The following ABCC2 variants were observed in gnomAD, a reference collection of about 807,000 sequenced individuals.
The protein encoded by ABCC2 is ATP binding cassette subfamily C member 2, also known as ATP-binding cassette sub-family C member 2.
Under a neutral mutation model 173.4 loss-of-function variants are expected in ABCC2, and 157 were observed. The ratio of observed to expected loss-of-function variants is 0.91; its 90% CI spans 0.80 to 1.03. The LOEUF (loss-of-function observed/expected upper bound fraction) is 1.03, where lower values mean the gene tolerates loss of function less well. Ranked by LOEUF, ABCC2 falls within the 50% of genes least tolerant of loss-of-function variation. The pLI is 0.00. For synonymous variants in ABCC2, 657 were observed against 693.5 expected, an observed-to-expected ratio of 0.95 and a Z score of 0.83; for missense variants, 1,822 against 1,852.3, an observed-to-expected ratio of 0.98 and a Z score of 0.30.
chr10:99,808,933 G>C (rs1040338774), intron 13 of ABCC2, among the ~76,000 whole-genome samples: 2 of 152,202 alleles, frequency 1.3e-5, no homozygotes, highest in Non-Finnish European at 2.9e-5. Context: ...GTAAAGAAAA[G>C]CTGGCAGATT....
chr10:99,791,738 A>G (rs2037814516), intron 2 of ABCC2, among the ~76,000 whole-genome samples: 1 of 152,236 alleles, frequency 6.6e-6, no homozygotes, highest in African/African-American at 2.4e-5. Context: ...GGAAGGTCTC[A>G]GTTCCTTACC....
intron 26 of ABCC2, 133 bp downstream of exon 26, chr10:99,842,226 C>T: frequency 7.7e-7 from 1 of 1,291,380 alleles, no homozygotes; most frequent in Non-Finnish European, 1.1e-6. Context: ...AGGTTCAAAC[C>T]CTGGCTCCAT....
intron 9 of ABCC2, among the ~76,000 whole-genome samples, chr10:99,801,092 C>A (rs998177552): frequency 6.6e-6 from 1 of 152,178 alleles, no homozygotes; most frequent in Non-Finnish European, 1.5e-5. Flanking sequence ...TAACCTAAAC[C>A]TCCTCTGTCT....
In ABCC2 at chr10:99,811,547, C is replaced by A. The variant is rs1282936966; in HGVS notation, c.1912C>A (p.Gln638Lys). 6.2e-7 allele frequency: 1 copy of A among 1,614,118 alleles called. No homozygotes were observed. The highest frequency in any genetic ancestry group is 1.1e-5 in the South Asian group (1 of 91,086). ...CTTTTTCTCAACAGACAAAGCCATG[C>A]AGTTTTCTGAGGCCTCCTTTACCTG... is the stretch of plus-strand genomic sequence containing the variant. Reference protein sequence around the residue: ...RHDCNFDKAMQFSEASFTWEH... With the variant: ...RHDCNFDKAMKFSEASFTWEH... The change falls in exon 15 of 32, where the codon CAG (glutamine) becomes AAG (lysine). Residue 638 changes from glutamine to lysine, a missense_variant. Coordinates refer to ENST00000647814, the MANE Select transcript of ABCC2 (RefSeq NM_000392.5).
chr10:99,851,029 G>A (rs776602926), intron 31 of ABCC2, among the ~76,000 whole-genome samples: 3 of 152,204 alleles, frequency 2.0e-5, no homozygotes, highest in African/African-American at 4.8e-5. Context: ...GAAACTGTGT[G>A]TTGTAACAAT....
chr10:99,814,489 A>G (rs138658402), intron 16 of ABCC2, among the ~76,000 whole-genome samples: 1 of 131,824 alleles, frequency 7.6e-6, no homozygotes. Flanking sequence ...ATACATACAC[A>G]CAAACATATA....
intron 22 of ABCC2, 71 bp from the exon 23 acceptor site, chr10:99,831,906 C>T (rs2038747156): frequency 6.2e-7 from 1 of 1,612,682 alleles, no homozygotes. Context: ...AATGCATTTG[C>T]CATTATGTCC....
intron 23 of ABCC2, among the ~76,000 whole-genome samples, chr10:99,833,231 G>T (rs1245943143): frequency 6.6e-6 from 1 of 152,178 alleles, no homozygotes; most frequent in Non-Finnish European, 1.5e-5. Flanking sequence ...TGGCCTTTCT[G>T]CTCTTTACTA....
rs775651190 is a variant in ABCC2 at position 99,832,128 on chromosome 10, C to T, written c.3255C>T (p.Ala1085=). The T allele has an allele frequency of 2.4e-5, 38 of 1,613,982 alleles. No individual in the cohort carries two copies. Among genetic ancestry groups the T allele is most frequent in the Admixed American group, 3.3e-5 (2 of 59,990 alleles). The stretch of plus-strand genomic sequence containing the variant: ...CAGGCCGGATTGTGAACAGGTTTGC[C>T]GGCGTAAGTATCTCAAGAACTGTCA... ...TPTGRIVNRF[A]GDISTVDDTL... Residue 1085 remains alanine (A), a synonymous_variant, in exon 23 of 32, where the codon GCC becomes GCT. Transcript: ENST00000647814.
chr10:99,811,565 T>C lies in ABCC2; in HGVS notation c.1930T>C (p.Phe644Leu). The change falls in exon 15 of 32, where the codon TTT becomes CTT. Residue 644 changes from phenylalanine (F) to leucine (L), a missense_variant. Phe to Leu is a conservative substitution (Grantham distance 22). Transcript: ENST00000647814. ...DKAMQFSEAS[F>L]TWEHDSEATV... ...AGCCATGCAGTTTTCTGAGGCCTCC[T>C]TTACCTGGGAACATGATTCGGAAGC... The C allele has an allele frequency of 6.2e-7, 1 of 1,614,106 alleles. No individual in the cohort carries two copies. Among genetic ancestry groups the C allele is most frequent in the South Asian group, 1.1e-5 (1 of 91,080 alleles).
intron 30 of ABCC2, 96 bp downstream of exon 30, chr10:99,847,223 T>A: frequency 7.1e-7 from 1 of 1,407,518 alleles, no homozygotes; most frequent in Non-Finnish European, 1.0e-6. Context: ...TGGCATAGAA[T>A]TTTCATCCAG....
intron 25 of ABCC2, among the ~76,000 whole-genome samples, chr10:99,839,247 C>A (rs1277828426): frequency 8.8e-6 from 1 of 113,846 alleles, no homozygotes; most frequent in Admixed American, 7.9e-5. Context: ...CCGACCCCCC[C>A]ACCTCCCTCC....
Position 99,819,323 on chromosome 10 carries a change from A to C in ABCC2, c.2620+54A>C. The C allele has an allele frequency of 3.3e-6, 5 of 1,527,898 alleles. No individual in the cohort carries two copies. The Admixed American group carries it at 5.0e-5, about 15-fold the overall frequency. 94.6% of individuals were successfully genotyped at this position (1,527,898 alleles called of 1,614,324 possible). On this transcript the variant is annotated intron_variant, in intron 19 of 31. Transcript: ENST00000647814. ...AACTTGGGCCATGGGTGGAATGGTAAATCAATATCTAATTCCTGAACTGCT... is the reference window on the plus strand; with the variant it reads ...AACTTGGGCCATGGGTGGAATGGTACATCAATATCTAATTCCTGAACTGCT...
chr10:99,816,967 G>T (rs964878637), intron 16 of ABCC2, among the ~76,000 whole-genome samples: 1 of 152,124 alleles, frequency 6.6e-6, no homozygotes, highest in Non-Finnish European at 1.5e-5. Flanking sequence ...CCATTCCCTT[G>T]TCAGTGTTAG....
intron 1 of ABCC2, among the ~76,000 whole-genome samples, chr10:99,783,677 G>T (rs973063457): frequency 2.0e-5 from 3 of 152,128 alleles, no homozygotes; most frequent in African/African-American, 7.2e-5. Context: ...CTTATATAGA[G>T]GTGAGAGGGG....
At chr10:99,834,110 G>C (rs1449814193) in intron 23 of ABCC2, among the ~76,000 whole-genome samples, 1 of 152,160 alleles carries the variant, frequency 6.6e-6, no homozygotes, top group Non-Finnish European at 1.5e-5. Context: ...TTGAACTCCC[G>C]ATCTCAGGTG....
intron 9 of ABCC2, among the ~76,000 whole-genome samples, chr10:99,802,476 G>T (rs1245825009): frequency 1.4e-5 from 2 of 144,516 alleles, no homozygotes; most frequent in Non-Finnish European, 3.0e-5. Context: ...ACCTTGAAGG[G>T]CAATTAGATG....
intron 23 of ABCC2, among the ~76,000 whole-genome samples, chr10:99,833,439 A>G (rs1289684894): frequency 6.6e-6 from 1 of 152,172 alleles, no homozygotes. Flanking sequence ...ATTATATAGT[A>G]TGTTTCGTTG....
In ABCC2 at chr10:99,843,781, C is replaced by T. The variant is rs1183627571; in HGVS notation, c.3742-18C>T. 3 of 1,605,948 alleles carry T rather than the reference C, an allele frequency of 1.9e-6. No individual in the cohort carries two copies. Among genetic ancestry groups the T allele is most frequent in the African/African-American group, 2.7e-5 (2 of 74,776 alleles). The stretch of plus-strand genomic sequence containing the variant: ...TTCTGTGCCTATGATGATTTTCAGT[C>T]TTCTGGTTTTTCTGTAGATCACACA... On this transcript the variant is annotated intron_variant, in intron 26 of 31. Transcript: ENST00000647814.
Sources: allele counts gnomAD v4.1 joint callset (sites outside exome capture counted in the v4.1 genomes callset), GRCh38; gene constraint gnomAD v4.1.1; transcripts MANE v1.5; gene names NCBI Gene and HGNC (gene_info 2026-07-23, HGNC 2026-07-21).